MEIKIN: variants seen among roughly 807,000 people sequenced by gnomAD.
The protein encoded by MEIKIN is meiosis-specific kinetochore protein.
In MEIKIN at chr5:131,865,166, C is replaced by A. The variant is rs187338108; in HGVS notation, c.775-10332G>T. ...TGTATTGTTTTTTGGAATTCTCTTGCATCTCACCAAGCTTCTTTAGTATCA... is the reference window on the plus strand; with the variant it reads ...TGTATTGTTTTTTGGAATTCTCTTGAATCTCACCAAGCTTCTTTAGTATCA... On this transcript the variant is annotated intron_variant, in intron 9 of 12. Transcript: ENST00000442687. Among the ~76,000 whole-genome samples, 33 of 150,844 alleles carry A rather than the reference C, an allele frequency of 2.2e-4. 1 individual carries two copies. In the East Asian group the frequency reaches 6.2e-3, roughly 28 times the overall value.
In MEIKIN at chr5:131,933,525, A is replaced by C. The variant is rs555178954; in HGVS notation, c.466T>G (p.Ser156Ala). ...SFPSPELFRK[S>A]DYLDWECPNL... The stretch of plus-strand genomic sequence containing the variant: ...ATTACTTTCTCACCTAAATAATCTG[A>C]TTTTCTGAACAGTTCAGGTGATGGA... The change falls in exon 5 of 13, where the codon TCA becomes GCA. Residue 156 changes from serine (S) to alanine (A), a missense_variant. Physicochemically the swap from Ser to Ala is moderately conservative, Grantham distance 99 (BLOSUM62 1). Coordinates refer to ENST00000442687, the MANE Select transcript of MEIKIN (RefSeq NM_001303622.2). The C allele has an allele frequency of 2.7e-4, 109 of 398,798 alleles. 3 individuals are homozygous for C. In the South Asian group the frequency reaches 0.013, roughly 48 times the overall value. 24.7% of individuals were successfully genotyped at this position (398,798 alleles called of 1,614,324 possible).
chr5:131,891,381 C>A (rs1416905721), intron 8 of MEIKIN, among the ~76,000 whole-genome samples: 1 of 152,144 alleles, frequency 6.6e-6, no homozygotes, highest in African/African-American at 2.4e-5. Context: ...TAAGGACTTG[C>A]TTTATGAATC....
intron 8 of MEIKIN, among the ~76,000 whole-genome samples, chr5:131,888,156 G>A (rs921966932): frequency 3.4e-5 from 5 of 148,068 alleles, no homozygotes; most frequent in Admixed American, 2.7e-4. Flanking sequence ...TGTGAATAGT[G>A]CCTCAATAAA....
chr5:131,829,594 C>G (rs1210332196), intron 11 of MEIKIN, among the ~76,000 whole-genome samples: 2 of 151,968 alleles, frequency 1.3e-5, no homozygotes, highest in African/African-American at 4.8e-5. Flanking sequence ...TTAGGAGGGA[C>G]TAAACAGAAA....
chr5:131,904,558 TG>T (rs1751213588), intron 8 of MEIKIN, among the ~76,000 whole-genome samples: 6 of 152,236 alleles, frequency 3.9e-5, no homozygotes, highest in African/African-American at 1.4e-4. Context: ...CCACCAATAG[TG>T]TAAAAGTATT....
chr5:131,931,774 T>A (rs1304239603), intron 5 of MEIKIN, among the ~76,000 whole-genome samples: 1 of 152,234 alleles, frequency 6.6e-6, no homozygotes. Flanking sequence ...GGTGTGTCCA[T>A]AAGGAGTAGG....
chr5:131,885,057 C>T (rs1750755943), intron 8 of MEIKIN, among the ~76,000 whole-genome samples: 1 of 152,174 alleles, frequency 6.6e-6, no homozygotes, highest in African/African-American at 2.4e-5. Context: ...ACTCTAATTC[C>T]TGGCTCATGG....
At chr5:131,844,760 T>C (rs1392520998) in intron 11 of MEIKIN, among the ~76,000 whole-genome samples, 2 of 152,184 alleles carry the variant, frequency 1.3e-5, no homozygotes, top group African/African-American at 2.4e-5. Context: ...ACCCTTTTTT[T>C]CTCAATTTTT....
At chr5:131,847,000 C>T (rs1307630769) in intron 11 of MEIKIN, among the ~76,000 whole-genome samples, 1 of 152,088 alleles carries the variant, frequency 6.6e-6, no homozygotes, top group East Asian at 1.9e-4. Flanking sequence ...ATCATAACTT[C>T]AGACTGCTAA....
At chr5:131,931,841 T>G (rs927755108) in intron 5 of MEIKIN, among the ~76,000 whole-genome samples, 1 of 152,222 alleles carries the variant, frequency 6.6e-6, no homozygotes, top group Non-Finnish European at 1.5e-5. Context: ...CATTTTGTTT[T>G]GTTTTGATAT....
intron 11 of MEIKIN, among the ~76,000 whole-genome samples, chr5:131,828,274 C>T (rs531838805): frequency 2.8e-4 from 42 of 152,246 alleles, no homozygotes; most frequent in African/African-American, 1.0e-3. Flanking sequence ...GTCATCCTCC[C>T]ATCTCAGCCT....
intron 11 of MEIKIN, among the ~76,000 whole-genome samples, chr5:131,844,035 T>C (rs1749966191): frequency 6.6e-6 from 1 of 152,096 alleles, no homozygotes; most frequent in Non-Finnish European, 1.5e-5. Flanking sequence ...TACGGCAGAA[T>C]GTGAGGTGGA....
At chr5:131,852,053 A>G (rs1040606682) in intron 10 of MEIKIN, among the ~76,000 whole-genome samples, 4 of 152,236 alleles carry the variant, frequency 2.6e-5, no homozygotes, top group African/African-American at 9.6e-5. Context: ...AAATGCGCAT[A>G]AACTGAATTG....
intron 7 of MEIKIN, among the ~76,000 whole-genome samples, chr5:131,914,761 C>G (rs1580904969): frequency 1.3e-5 from 2 of 152,080 alleles, no homozygotes; most frequent in Admixed American, 6.5e-5. Context: ...TCCACACCTT[C>G]CAGTCTAGAG....
chr5:131,829,771 G>C (rs994928588), intron 11 of MEIKIN, among the ~76,000 whole-genome samples: 1 of 152,158 alleles, frequency 6.6e-6, no homozygotes, highest in Non-Finnish European at 1.5e-5. Context: ...GTCATGTGAA[G>C]ATGGGAAGTA....
chr5:131,888,568 T>G (rs1750844661), intron 8 of MEIKIN, among the ~76,000 whole-genome samples: 1 of 152,070 alleles, frequency 6.6e-6, no homozygotes. Flanking sequence ...TTTGTTTTTT[T>G]CTTGTAAATT....
chr5:131,921,229 A>G (rs557627919), intron 6 of MEIKIN, among the ~76,000 whole-genome samples: 1 of 152,362 alleles, frequency 6.6e-6, no homozygotes, highest in Non-Finnish European at 1.5e-5. Context: ...AAGTTATAAA[A>G]GACTGAGTGC....
At chr5:131,930,940 G>A (rs1446194638) in intron 5 of MEIKIN, among the ~76,000 whole-genome samples, 1 of 152,172 alleles carries the variant, frequency 6.6e-6, no homozygotes, top group Non-Finnish European at 1.5e-5. Context: ...TTAGTTGTCA[G>A]ACAATTTGTA....
intron 11 of MEIKIN, among the ~76,000 whole-genome samples, chr5:131,848,402 T>C (rs974505414): frequency 6.6e-6 from 1 of 152,172 alleles, no homozygotes; most frequent in Non-Finnish European, 1.5e-5. Context: ...AACAATTGTA[T>C]ATCAACAAAT....
Sources: gnomAD v4.1 joint callset for allele counts (sites outside exome capture counted in the v4.1 genomes callset) on GRCh38, gnomAD v4.1.1 for gene constraint, MANE v1.5 for transcripts, NCBI Gene and HGNC (gene_info 2026-07-23, HGNC 2026-07-21) for gene names.